Variants in ADGRB1 observed in about 807,000 individuals in gnomAD.
The protein encoded by ADGRB1 is brain-specific angiogenesis inhibitor 1.
A neutral mutation model predicts 175.7 loss-of-function variants in ADGRB1; 36 were observed. The ratio of observed to expected loss-of-function variants is 0.20; its 90% CI spans 0.16 to 0.27. The LOEUF (loss-of-function observed/expected upper bound fraction) is 0.27. Among genes scored for constraint, ADGRB1 ranks in the 10% least tolerant of loss-of-function variants. The pLI is 1.00. For missense variants in ADGRB1, 1,731 were observed against 2,255.3 expected, an observed-to-expected ratio of 0.77 and a Z score of 4.71; for synonymous variants, 1,054 against 979.4, an observed-to-expected ratio of 1.08 and a Z score of -1.42.
At position 142,522,803 on chromosome 8, in the gene ADGRB1, C is replaced by A. The variant is rs569261698; in HGVS notation, c.3245+93C>A. The A allele has an allele frequency of 1.0e-4, 129 of 1,276,822 alleles. No homozygotes were observed. The East Asian group carries it at 2.3e-3, about 22-fold the overall frequency. The allele number at this position is 1,276,822 out of a possible 1,614,324, so 79.1% of individuals were successfully genotyped here. On this transcript the variant is annotated intron_variant, in intron 22 of 30. Transcript: ENST00000517894. Reference sequence around the variant, plus strand: ...GGGTGAGGGCTGGCCATGCCCTCCCCCCGTGTGACCCTGATCATCTCACAG... The same window carrying A: ...GGGTGAGGGCTGGCCATGCCCTCCCACCGTGTGACCCTGATCATCTCACAG...
intron 9 of ADGRB1, among the ~76,000 whole-genome samples, chr8:142,481,034 C>A (rs1012059732): frequency 2.6e-5 from 4 of 152,250 alleles, no homozygotes; most frequent in African/African-American, 9.6e-5. Context: ...GGCTTAGCTC[C>A]TGCCAGGTCC....
chr8:142,519,762 G>A (rs938485432), intron 19 of ADGRB1, among the ~76,000 whole-genome samples: 3 of 149,942 alleles, frequency 2.0e-5, no homozygotes, highest in Admixed American at 1.3e-4. Flanking sequence ...GGTAATGGTC[G>A]TGGTGATGGT....
At chr8:142,528,626 C>A (rs185346646) in intron 24 of ADGRB1, among the ~76,000 whole-genome samples, 1 of 151,308 alleles carries the variant, frequency 6.6e-6, no homozygotes, top group Non-Finnish European at 1.5e-5. Context: ...CCACCTCCGA[C>A]GCCACCAGTA....
In ADGRB1 at chr8:142,522,036, G is replaced by A. The variant is rs1843881359; in HGVS notation, c.3096G>A (p.Glu1032=). ...CCTCCTTCTGCTGGGTGCTCACCGA[G>A]GCCTGGCAGTCCTACATGGCGGTGA... ...FLSSFCWVLT[E]AWQSYMAVTG... is the part of the protein sequence containing the mutation. The change falls in exon 21 of 31, where the codon GAG becomes GAA. Residue 1032 remains glutamate (E), a synonymous_variant. Transcript: ENST00000517894. The A allele has an allele frequency of 6.2e-7, 1 of 1,612,914 alleles. No homozygotes were observed. Among genetic ancestry groups the A allele is most frequent in the South Asian group, 1.1e-5 (1 of 90,986 alleles).
At chr8:142,505,737 C>G (rs1327942947) in intron 17 of ADGRB1, among the ~76,000 whole-genome samples, 1 of 152,152 alleles carries the variant, frequency 6.6e-6, no homozygotes, top group African/African-American at 2.4e-5. Context: ...GGCCATGCGG[C>G]CTGACATATT....
Position 142,464,487 on chromosome 8 carries a change from G to C in ADGRB1, c.289G>C (p.Gly97Arg). 3 of 1,581,420 alleles carry C rather than the reference G, an allele frequency of 1.9e-6. No individual in the cohort carries two copies. The highest frequency in any genetic ancestry group is 2.6e-6 in the Non-Finnish European group (3 of 1,168,468). Residue 97 changes from glycine (G) to arginine (R), a missense_variant, in exon 2 of 31, where the codon GGC (glycine) becomes CGC (arginine). This residue lies in a region of ADGRB1 where 383 missense variants were observed against 383.1 expected (regional missense o/e 1.00). Transcript: ENST00000517894. ...GGCGCCCGTGCCCTGCAGCGGCCCCGGCCGCGTGCGCACCTACCAGTTCGA... is the reference window on the plus strand; with the variant it reads ...GGCGCCCGTGCCCTGCAGCGGCCCCCGCCGCGTGCGCACCTACCAGTTCGA... ...AKAPVPCSGPGRVRTYQFDSF... is the reference protein window; with the variant it reads ...AKAPVPCSGPRRVRTYQFDSF...
At chr8:142,486,493 C>T (rs1394720522) in intron 13 of ADGRB1, among the ~76,000 whole-genome samples, 1 of 152,164 alleles carries the variant, frequency 6.6e-6, no homozygotes, top group Non-Finnish European at 1.5e-5. Flanking sequence ...TTGGCACTCC[C>T]GAGGTGTCCC....
intron 2 of ADGRB1, among the ~76,000 whole-genome samples, chr8:142,470,862 G>C (rs12548460): frequency 0.22 from 33,889 of 152,096 alleles, 4,070 homozygotes; most frequent in African/African-American, 0.31. Context: ...CACTCACTCT[G>C]GAGGCTGTTG....
At chr8:142,498,953 C>A (rs935339314) in intron 17 of ADGRB1, among the ~76,000 whole-genome samples, 1 of 152,130 alleles carries the variant, frequency 6.6e-6, no homozygotes, top group African/African-American at 2.4e-5. Context: ...GGGCCCCAGC[C>A]TCTCTCTCCC....
rs1839636785 is a variant in ADGRB1 at position 142,455,822 on chromosome 8, C to A, written c.-220+5718C>A. Among the ~76,000 whole-genome samples, 1 of 152,108 alleles carries A rather than the reference C, an allele frequency of 6.6e-6. No individual in the cohort carries two copies. Among genetic ancestry groups the A allele is most frequent in the Non-Finnish European group, 1.5e-5 (1 of 68,018 alleles). On this transcript the variant is annotated intron_variant, in intron 1 of 30. Coordinates refer to ENST00000517894, the MANE Select transcript of ADGRB1 (RefSeq NM_001702.3). The surrounding 1 kb of genome is among the most constrained non-coding windows in gnomAD (Gnocchi z 4.9). ...AAGGAGGCTTCCAAAGCCCACACCCCACCCCCGACCACCGGGCCCTGGGGG... is the reference window on the plus strand; with the variant it reads ...AAGGAGGCTTCCAAAGCCCACACCCAACCCCCGACCACCGGGCCCTGGGGG...
chr8:142,521,855 C>T, intron 20 of ADGRB1, 110 bp from the exon 21 acceptor site: 1 of 1,312,980 alleles, frequency 7.6e-7, no homozygotes, highest in Non-Finnish European at 1.0e-6. Context: ...GGTTGGGTCC[C>T]AGTGAGGGTG....
At chr8:142,475,822 T>C (rs1176313688) in intron 3 of ADGRB1, among the ~76,000 whole-genome samples, 187 bp downstream of exon 3, 1 of 135,902 alleles carries the variant, frequency 7.4e-6, no homozygotes, top group South Asian at 2.3e-4. Context: ...GGCCGGGGCC[T>C]GGCAGACGCT....
At chr8:142,541,059 G>T (rs1158166978) in intron 27 of ADGRB1, among the ~76,000 whole-genome samples, 3 of 152,088 alleles carry the variant, frequency 2.0e-5, no homozygotes, top group Non-Finnish European at 2.9e-5. Context: ...GGCTTGGCGT[G>T]GTGGGTAACC....
At chr8:142,506,203 G>T (rs978101120) in intron 17 of ADGRB1, among the ~76,000 whole-genome samples, 1 of 152,244 alleles carries the variant, frequency 6.6e-6, no homozygotes, top group Non-Finnish European at 1.5e-5. Flanking sequence ...CGAGTGGGAG[G>T]AGTCCCAATG....
chr8:142,464,705 C>A lies in ADGRB1; in HGVS notation c.507C>A (p.Phe169Leu). 6.5e-7 allele frequency: 1 copy of A among 1,531,640 alleles called. No homozygotes were observed. The highest frequency in any genetic ancestry group is 8.7e-7 in the Non-Finnish European group (1 of 1,144,588). The allele number at this position is 1,531,640 out of a possible 1,614,324, so 94.9% of individuals were successfully genotyped here. Residue 169 changes from phenylalanine to leucine, a missense_variant, in exon 2 of 31, where the codon TTC becomes TTA. Coordinates refer to ENST00000517894, the MANE Select transcript of ADGRB1 (RefSeq NM_001702.3). ...RAGPPGPTDD[F>L]SVEYLVVGNR... ...GGCCGCCGGGCCCCACCGACGACTT[C>A]TCCGTGGAGTACCTGGTGGTGGGGA... is the stretch of plus-strand genomic sequence containing the variant.
In ADGRB1 at chr8:142,543,171, C is replaced by T. The variant is rs1032195947; in HGVS notation, c.4414-232C>T. On this transcript the variant is annotated intron_variant, in intron 28 of 30. Coordinates refer to ENST00000517894, the MANE Select transcript of ADGRB1 (RefSeq NM_001702.3). The surrounding 1 kb of genome is among the most constrained non-coding windows in gnomAD (Gnocchi z 4.4). ...CTCCTTGATCCTGGGGAGTGTGTCC[C>T]GGGTAGGCGAGCCGGACACCCCAGC... Among the ~76,000 whole-genome samples the T allele has an allele frequency of 9.2e-5, 14 of 152,078 alleles. No individual in the cohort carries two copies. Among genetic ancestry groups the T allele is most frequent in the African/African-American group, 3.1e-4 (13 of 41,436 alleles).
At position 142,481,318 on chromosome 8, in the gene ADGRB1, C is replaced by T; in HGVS notation, c.1893C>T (p.Tyr631=). 1 of 1,613,890 alleles carries T rather than the reference C, an allele frequency of 6.2e-7. No homozygotes were observed. Among genetic ancestry groups the T allele is most frequent in the Non-Finnish European group, 8.5e-7 (1 of 1,179,882 alleles). Residue 631 remains tyrosine, a synonymous_variant, in exon 10 of 31, where the codon TAC becomes TAT. Transcript: ENST00000517894. ...TCGCCTACTGGGAGCCCCCCACCTA[C>T]ATCCGCTGTGTTTCCATTGACTACA... The part of the protein sequence containing the change: ...EGIAYWEPPT[Y]IRCVSIDYRN...
intron 2 of ADGRB1, among the ~76,000 whole-genome samples, chr8:142,465,203 C>T (rs964458967): frequency 3.3e-5 from 5 of 152,184 alleles, no homozygotes; most frequent in Non-Finnish European, 4.4e-5. Flanking sequence ...CTCCCAGGCG[C>T]CTGCTCCATC....
At chr8:142,535,098 C>T (rs528106201) in intron 25 of ADGRB1, among the ~76,000 whole-genome samples, 12 of 152,312 alleles carry the variant, frequency 7.9e-5, no homozygotes, top group African/African-American at 2.9e-4. Flanking sequence ...GCTCAAAGCT[C>T]AGTAGAAGGA....
Sources: gnomAD v4.1 joint callset for allele counts (sites outside exome capture counted in the v4.1 genomes callset) on GRCh38, gnomAD v4.1.1 for gene constraint, gnomAD v4.1.1 regional missense constraint, Gnocchi (gnomAD v3.1) non-coding constraint, MANE v1.5 for transcripts, NCBI Gene and HGNC (gene_info 2026-07-23, HGNC 2026-07-21) for gene names.